The following FHIT variants were observed in gnomAD, a reference collection of about 807,000 sequenced individuals.
FHIT encodes fragile histidine triad diadenosine triphosphatase.
FHIT carries 19 observed loss-of-function variants against 17.9 expected under a neutral mutation model. The ratio of observed to expected loss-of-function variants is 1.06; its 90% CI spans 0.74 to 1.56. The LOEUF (loss-of-function observed/expected upper bound fraction) is 1.56, where lower values mean the gene tolerates loss of function less well. Ranked by LOEUF, FHIT falls within the 40% of genes most tolerant of loss-of-function variation. The probability of loss-of-function intolerance (pLI) is 0.00; values close to 1 mark genes in which losing one functional copy is unlikely to be tolerated. For synonymous variants in FHIT, 81 were observed against 69.7 expected, an observed-to-expected ratio of 1.16 and a Z score of -0.81; for missense variants, 248 against 189.2, an observed-to-expected ratio of 1.31 and a Z score of -1.82.
At chr3:59,971,894 CAG>C (rs1483155028) in intron 7 of FHIT, among the ~76,000 whole-genome samples, 1 of 152,142 alleles carries the variant, frequency 6.6e-6, no homozygotes, top group African/African-American at 2.4e-5. Context: ...AAAATATAAT[CAG>C]AAATTGCACC....
At chr3:60,393,173 G>A (rs908596294) in intron 5 of FHIT, among the ~76,000 whole-genome samples, 1 of 151,968 alleles carries the variant, frequency 6.6e-6, no homozygotes, top group Non-Finnish European at 1.5e-5. Context: ...ATGTAATCAA[G>A]ATTGCATTGA....
chr3:59,827,446 G>A (rs1006474145), intron 8 of FHIT, among the ~76,000 whole-genome samples: 3 of 152,228 alleles, frequency 2.0e-5, no homozygotes, highest in African/African-American at 7.2e-5. Flanking sequence ...CAGAAGGTGT[G>A]GTTAACATGA....
At chr3:60,104,327 T>C (rs1179628148) in intron 5 of FHIT, among the ~76,000 whole-genome samples, 1 of 152,182 alleles carries the variant, frequency 6.6e-6, no homozygotes, top group Non-Finnish European at 1.5e-5. Flanking sequence ...AAGAATTCTA[T>C]TTTGTGTTCA....
intron 8 of FHIT, among the ~76,000 whole-genome samples, chr3:59,835,366 T>C (rs1701303615): frequency 6.6e-6 from 1 of 152,228 alleles, no homozygotes; most frequent in Admixed American, 6.5e-5. Flanking sequence ...TCTAATGTTA[T>C]TGTGCACCAA....
intron 4 of FHIT, among the ~76,000 whole-genome samples, chr3:60,693,414 T>C (rs1176125464): frequency 6.6e-6 from 1 of 152,182 alleles, no homozygotes. Context: ...TTTCTCTCTA[T>C]CTAGATAGGA....
intron 5 of FHIT, among the ~76,000 whole-genome samples, chr3:60,032,838 C>A (rs1044058361): frequency 3.3e-5 from 5 of 152,154 alleles, no homozygotes; most frequent in African/African-American, 1.2e-4. Flanking sequence ...AAAGAAGCAA[C>A]CTGAATTTCT....
At chr3:61,011,545 A>G (rs750154013) in intron 3 of FHIT, among the ~76,000 whole-genome samples, 6 of 152,124 alleles carry the variant, frequency 3.9e-5, no homozygotes, top group Non-Finnish European at 7.4e-5. Flanking sequence ...TCTGCTTTAT[A>G]CAGTCTATAA....
chr3:60,646,204 G>C (rs1240889597), intron 4 of FHIT, among the ~76,000 whole-genome samples: 1 of 152,156 alleles, frequency 6.6e-6, no homozygotes, highest in Non-Finnish European at 1.5e-5. Context: ...ATAATTACCG[G>C]AGTGAACTAG....
chr3:60,042,037 C>T (rs1385882937), intron 5 of FHIT, among the ~76,000 whole-genome samples: 1 of 152,182 alleles, frequency 6.6e-6, no homozygotes, highest in East Asian at 1.9e-4. Flanking sequence ...GGCCGCCTTT[C>T]CACAGAACAC....
At chr3:60,678,776 G>T (rs951507890) in intron 4 of FHIT, among the ~76,000 whole-genome samples, 1 of 152,106 alleles carries the variant, frequency 6.6e-6, no homozygotes, top group Non-Finnish European at 1.5e-5. Flanking sequence ...AGTGGCTCCA[G>T]CCTGGGCATG....
At chr3:61,031,404 G>T (rs1350255230) in intron 3 of FHIT, among the ~76,000 whole-genome samples, 2 of 152,084 alleles carry the variant, frequency 1.3e-5, no homozygotes, top group African/African-American at 2.4e-5. Flanking sequence ...AATCAGAGTT[G>T]CCCAATTGCC....
chr3:60,438,128 C>G (rs1174758030), intron 5 of FHIT, among the ~76,000 whole-genome samples: 1 of 152,028 alleles, frequency 6.6e-6, no homozygotes, highest in African/African-American at 2.4e-5. Flanking sequence ...CAATAAGCCC[C>G]AGCATTTGCA....
intron 5 of FHIT, among the ~76,000 whole-genome samples, chr3:60,279,370 G>C (rs1475300390): frequency 1.3e-5 from 2 of 152,122 alleles, no homozygotes; most frequent in Non-Finnish European, 2.9e-5. Flanking sequence ...GGTCTATTCA[G>C]GTTATATCTA....
chr3:60,789,818 T>C (rs1553728032), intron 4 of FHIT, among the ~76,000 whole-genome samples: 1 of 152,178 alleles, frequency 6.6e-6, no homozygotes, highest in Non-Finnish European at 1.5e-5. Context: ...ACTAAAACAA[T>C]TATACTGTTA....
chr3:60,714,461 G>T (rs1553706125), intron 4 of FHIT, among the ~76,000 whole-genome samples: 3 of 152,076 alleles, frequency 2.0e-5, no homozygotes, highest in Non-Finnish European at 4.4e-5. Flanking sequence ...AGGAAATAAA[G>T]GGTATTCAAT....
chr3:61,180,337 C>A (rs757717588), intron 2 of FHIT, among the ~76,000 whole-genome samples: 1 of 152,106 alleles, frequency 6.6e-6, no homozygotes, highest in East Asian at 1.9e-4. Flanking sequence ...TTAACAATTG[C>A]GTTTAAAATG....
intron 5 of FHIT, among the ~76,000 whole-genome samples, chr3:60,285,003 T>G (rs186278846): frequency 1.3e-5 from 2 of 152,246 alleles, no homozygotes; most frequent in Admixed American, 1.3e-4. Context: ...CCACTGAAGT[T>G]TATGGTTTAA....
chr3:60,456,981 A>T (rs879466545), intron 5 of FHIT, among the ~76,000 whole-genome samples: 196 of 152,330 alleles, frequency 1.3e-3, no homozygotes, highest in Non-Finnish European at 2.3e-3. Context: ...GGAAGAATCA[A>T]TATCATGAAA....
At chr3:60,348,387 A>T (rs113229646) in intron 5 of FHIT, among the ~76,000 whole-genome samples, 1,576 of 148,290 alleles carry the variant, frequency 0.011, 33 homozygotes, top group African/African-American at 0.037. Context: ...GCAGTGTCAA[A>T]TTTTTTTTAA....
Sources: gnomAD v4.1 joint callset for allele counts (sites outside exome capture counted in the v4.1 genomes callset) on GRCh38, gnomAD v4.1.1 for gene constraint, MANE v1.5 for transcripts, NCBI Gene and HGNC (gene_info 2026-07-23, HGNC 2026-07-21) for gene names.